DOCK8: variants seen among roughly 807,000 people sequenced by gnomAD.
The protein encoded by DOCK8 is dedicator of cytokinesis 8.
DOCK8 carries 141 observed loss-of-function variants against 245.6 expected under a neutral mutation model. The ratio of observed to expected loss-of-function variants is 0.57; its 90% CI spans 0.50 to 0.66. The LOEUF (loss-of-function observed/expected upper bound fraction) is 0.66, where lower values mean the gene tolerates loss of function less well. Among genes scored for constraint, DOCK8 ranks in the 30% least tolerant of loss-of-function variants. The probability of loss-of-function intolerance (pLI) is 0.00; values close to 1 mark genes in which losing one functional copy is unlikely to be tolerated. For missense variants in DOCK8, 2,965 were observed against 2,603.4 expected, an observed-to-expected ratio of 1.14 and a Z score of -3.02; for synonymous variants, 1,168 against 970.2, an observed-to-expected ratio of 1.20 and a Z score of -3.79.
chr9:231,582 A>T (rs1430965719), intron 1 of DOCK8, among the ~76,000 whole-genome samples: 5 of 152,088 alleles, frequency 3.3e-5, no homozygotes, highest in Non-Finnish European at 5.9e-5. Context: ...TTCATTGAGC[A>T]GTGGTTTGTA....
chr9:401,349 G>T (rs1032940402), intron 26 of DOCK8, among the ~76,000 whole-genome samples: 1 of 152,144 alleles, frequency 6.6e-6, no homozygotes, highest in African/African-American at 2.4e-5. Flanking sequence ...CCATAGGCCT[G>T]CAGTGAGGAG....
At chr9:290,777 C>G (rs2049005721) in intron 4 of DOCK8, among the ~76,000 whole-genome samples, 1 of 152,172 alleles carries the variant, frequency 6.6e-6, no homozygotes, top group Admixed American at 6.5e-5. Flanking sequence ...CTGATAGCCT[C>G]ACTCCTCCTA....
At position 289,588 on chromosome 9, in the gene DOCK8, T is replaced by C. The variant is rs2130350924; in HGVS notation, c.404+7T>C. 6.2e-7 allele frequency: 1 copy of C among 1,608,538 alleles called. No homozygotes were observed. The highest frequency in any genetic ancestry group is 8.5e-7 in the Non-Finnish European group (1 of 1,177,382). On this transcript the variant is annotated splice_region_variant and intron_variant, in intron 4 of 47. Transcript: ENST00000432829. ...GGCTAATCGTGAACCGGAAGTAAGT[T>C]ACTTTTTTTCCACTTTTTGTATATA...
intron 7 of DOCK8, among the ~76,000 whole-genome samples, chr9:322,693 A>T (rs981349152): frequency 6.6e-6 from 1 of 152,312 alleles, no homozygotes; most frequent in South Asian, 2.1e-4. Context: ...CTCAGTACCA[A>T]CCTAAGTATA....
intron 6 of DOCK8, 58 bp from the exon 7 acceptor site, chr9:316,985 T>C (rs896504680): frequency 3.1e-5 from 43 of 1,382,830 alleles, no homozygotes; most frequent in Middle Eastern, 3.5e-4. Context: ...GGGTTAACTC[T>C]AATTGGAGCT....
chr9:450,003 C>G, intron 45 of DOCK8, 76 bp downstream of exon 45: 1 of 1,531,638 alleles, frequency 6.5e-7, no homozygotes, highest in African/African-American at 1.4e-5. Context: ...ACCCTTCTTC[C>G]TTGGGGTTGA....
intron 40 of DOCK8, among the ~76,000 whole-genome samples, chr9:440,031 T>G (rs1348978471): frequency 1.3e-5 from 2 of 151,930 alleles, no homozygotes; most frequent in Admixed American, 1.3e-4. Context: ...TTTCTTTTCT[T>G]TTTTTGAGAC....
chr9:423,667 T>A lies in DOCK8; in HGVS notation c.4241+1532T>A, dbSNP rs141483484. Reference sequence around the variant, plus strand: ...CTTGGAAACCCAGTTGTTGGTATCATGCCTATTTGCTTTGGGTATGTTATT... The same window carrying A: ...CTTGGAAACCCAGTTGTTGGTATCAAGCCTATTTGCTTTGGGTATGTTATT... On this transcript the variant is annotated intron_variant, in intron 33 of 47. Transcript: ENST00000432829. Among the ~76,000 whole-genome samples, 822 of 152,378 alleles carry A rather than the reference T, an allele frequency of 5.4e-3. 3 individuals are homozygous for A. The highest frequency in any genetic ancestry group is 0.017 in the Middle Eastern group (5 of 294).
rs532163265 is a variant in DOCK8 at position 230,847 on chromosome 9, A to G, written c.53+15818A>G. Reference sequence around the variant, plus strand: ...TTGCAAAAATTTTCTCCCATTCTGTAGGTTGCCTGTTCACTCTGATGGTAG... The same window carrying G: ...TTGCAAAAATTTTCTCCCATTCTGTGGGTTGCCTGTTCACTCTGATGGTAG... On this transcript the variant is annotated intron_variant, in intron 1 of 47. Coordinates refer to ENST00000432829, the MANE Select transcript of DOCK8 (RefSeq NM_203447.4). Among the ~76,000 whole-genome samples, 14 of 152,146 alleles carry G rather than the reference A, an allele frequency of 9.2e-5. No homozygotes were observed. The East Asian group carries it at 1.4e-3, about 15-fold the overall frequency.
At chr9:330,585 A>G (rs904941108) in intron 9 of DOCK8, among the ~76,000 whole-genome samples, 5 of 152,226 alleles carry the variant, frequency 3.3e-5, no homozygotes, top group African/African-American at 1.2e-4. Flanking sequence ...GAAAATTGAA[A>G]TAATGTATGT....
intron 26 of DOCK8, 114 bp downstream of exon 26, chr9:399,373 C>G: frequency 3.8e-6 from 3 of 794,280 alleles, no homozygotes; most frequent in Non-Finnish European, 4.4e-6. Context: ...GGCATGAATC[C>G]TACACATCCT....
intron 39 of DOCK8, among the ~76,000 whole-genome samples, chr9:438,111 G>A (rs547760427): frequency 9.2e-5 from 14 of 152,338 alleles, no homozygotes; most frequent in South Asian, 8.3e-4. Context: ...CTAAAACTAC[G>A]TTACAGTATT....
At chr9:243,099 C>T (rs987470772) in intron 1 of DOCK8, among the ~76,000 whole-genome samples, 1 of 152,108 alleles carries the variant, frequency 6.6e-6, no homozygotes, top group Non-Finnish European at 1.5e-5. Flanking sequence ...TATTTTCCCC[C>T]ATCACTTTAT....
At chr9:288,564 T>C (rs1018240519) in intron 3 of DOCK8, among the ~76,000 whole-genome samples, 2 of 152,246 alleles carry the variant, frequency 1.3e-5, no homozygotes, top group Non-Finnish European at 2.9e-5. Context: ...ATTAATATCA[T>C]ATATGCGTCT....
chr9:374,232 G>T (rs904140400), intron 18 of DOCK8, among the ~76,000 whole-genome samples: 1 of 152,120 alleles, frequency 6.6e-6, no homozygotes, highest in African/African-American at 2.4e-5. Context: ...AACCTGCACT[G>T]TCTGATAAGA....
rs187511586 is a variant in DOCK8 at position 349,851 on chromosome 9, C to T, written c.1679+9530C>T. Among the ~76,000 whole-genome samples, 293 of 152,314 alleles carry T rather than the reference C, an allele frequency of 1.9e-3. 2 individuals are homozygous for T. Among genetic ancestry groups the T allele is most frequent in the Non-Finnish European group, 3.3e-3 (223 of 68,026 alleles). On this transcript the variant is annotated intron_variant, in intron 14 of 47. Transcript: ENST00000432829. ...ACTCAGAAACCTTAGAATTCTGATT[C>T]ATTCTCTTTGGCTCAGACTTGGATG...
chr9:400,958 A>ACCACCACCTCCT (rs1564016824), intron 26 of DOCK8, among the ~76,000 whole-genome samples: 1 of 67,820 alleles, frequency 1.5e-5, no homozygotes, highest in Non-Finnish European at 2.3e-5. Context: ...CACCACCACC[A>ACCACCACCTCCT]CCACCACCTC....
chr9:313,447 T>A (rs1272265074), intron 6 of DOCK8, among the ~76,000 whole-genome samples: 7 of 152,260 alleles, frequency 4.6e-5, no homozygotes, highest in Non-Finnish European at 4.4e-5. Flanking sequence ...AGCACCTTGG[T>A]TTCCTCATCT....
At chr9:453,171 G>A (rs2057520791) in intron 46 of DOCK8, among the ~76,000 whole-genome samples, 1 of 152,224 alleles carries the variant, frequency 6.6e-6, no homozygotes, top group Non-Finnish European at 1.5e-5. Context: ...CAATTTTGCT[G>A]CATATACAGG....
Sources: allele counts gnomAD v4.1 joint callset (sites outside exome capture counted in the v4.1 genomes callset), GRCh38; gene constraint gnomAD v4.1.1; transcripts MANE v1.5; gene names NCBI Gene and HGNC (gene_info 2026-07-23, HGNC 2026-07-21).